GPATCH2: variants seen among roughly 807,000 people sequenced by gnomAD.
The protein encoded by GPATCH2 is G patch domain-containing protein 2.
GPATCH2 carries 51 observed loss-of-function variants against 58.0 expected under a neutral mutation model. That is an observed-to-expected ratio of 0.88 (90% CI 0.70 to 1.11). The LOEUF (loss-of-function observed/expected upper bound fraction) is 1.11, where lower values mean the gene tolerates loss of function less well. Ranked by LOEUF, GPATCH2 falls within the 50% of genes most tolerant of loss-of-function variation. The pLI is 0.00. For synonymous variants in GPATCH2, 222 were observed against 218.5 expected, an observed-to-expected ratio of 1.02 and a Z score of -0.14; for missense variants, 625 against 652.2, an observed-to-expected ratio of 0.96 and a Z score of 0.45.
In GPATCH2 at chr1:217,427,889, G is replaced by GTACACATTA. The variant is rs1399361617; in HGVS notation, c.*3247_*3255dup. 2.0e-5 allele frequency: 3 copies of GTACACATTA among 152,034 alleles called. No individual in the cohort carries two copies. The highest frequency in any genetic ancestry group is 1.5e-5 in the Non-Finnish European group (1 of 67,960). The allele number at this position is 152,034 out of a possible 1,614,324, so 9.4% of individuals were successfully genotyped here. On this transcript the variant is annotated 3_prime_UTR_variant, in exon 10 of 10. Coordinates refer to ENST00000366935, the MANE Select transcript of GPATCH2 (RefSeq NM_018040.5). ...ACAGGCATTATAAATACACCTATAG[G>GTACACATTA]TACACATTATGTATATCTTTACCCC...
chr1:217,487,766 T>C (rs913812410), intron 8 of GPATCH2, among the ~76,000 whole-genome samples: 4 of 150,768 alleles, frequency 2.7e-5, no homozygotes, highest in Non-Finnish European at 4.4e-5. Flanking sequence ...TTTTGGAGAC[T>C]GAGTCTCACT....
chr1:217,452,883 T>A (rs1237835982), intron 8 of GPATCH2, among the ~76,000 whole-genome samples: 2 of 152,214 alleles, frequency 1.3e-5, no homozygotes, highest in Non-Finnish European at 2.9e-5. Context: ...TATATTTCAG[T>A]AATTCTATCA....
intron 5 of GPATCH2, among the ~76,000 whole-genome samples, chr1:217,587,105 T>A (rs560477815): frequency 1.3e-5 from 2 of 152,292 alleles, no homozygotes; most frequent in Non-Finnish European, 2.9e-5. Flanking sequence ...TAGGATCAAT[T>A]TATCTCAGAT....
chr1:217,508,499 T>A (rs1156840248), intron 6 of GPATCH2, among the ~76,000 whole-genome samples: 1 of 152,256 alleles, frequency 6.6e-6, no homozygotes, highest in Non-Finnish European at 1.5e-5. Flanking sequence ...AATTGCACAA[T>A]CGATTAATAA....
chr1:217,561,973 ATC>A (rs1402211923), intron 5 of GPATCH2, among the ~76,000 whole-genome samples: 1 of 152,188 alleles, frequency 6.6e-6, no homozygotes, highest in African/African-American at 2.4e-5. Context: ...AAGGAAGAAT[ATC>A]TCTCTTCAAT....
intron 9 of GPATCH2, among the ~76,000 whole-genome samples, chr1:217,446,406 T>C (rs1659389281): frequency 6.6e-6 from 1 of 152,128 alleles, no homozygotes; most frequent in Admixed American, 6.5e-5. Context: ...TGATCTAGGA[T>C]TCATGCCCTC....
intron 8 of GPATCH2, among the ~76,000 whole-genome samples, chr1:217,449,618 A>G (rs927928582): frequency 3.3e-5 from 5 of 152,232 alleles, no homozygotes; most frequent in African/African-American, 1.2e-4. Context: ...AAAATCAAGC[A>G]CTGTTGCTTC....
intron 5 of GPATCH2, among the ~76,000 whole-genome samples, chr1:217,597,404 C>T (rs758870584): frequency 7.3e-5 from 11 of 151,600 alleles, no homozygotes; most frequent in African/African-American, 1.5e-4. Context: ...CGAGGCTGAC[C>T]GCCCAGCTTC....
intron 5 of GPATCH2, among the ~76,000 whole-genome samples, chr1:217,586,182 A>G (rs1397833694): frequency 6.6e-6 from 1 of 152,114 alleles, no homozygotes; most frequent in Non-Finnish European, 1.5e-5. Flanking sequence ...ATTTTAAAAT[A>G]TCCTCTTTCT....
intron 5 of GPATCH2, among the ~76,000 whole-genome samples, chr1:217,600,185 T>C (rs138788265): frequency 1.4e-3 from 213 of 152,224 alleles, no homozygotes; most frequent in African/African-American, 5.0e-3. Context: ...AATAATCAAA[T>C]TGCCCCCATT....
At chr1:217,577,891 G>C (rs1341274444) in intron 5 of GPATCH2, among the ~76,000 whole-genome samples, 1 of 151,924 alleles carries the variant, frequency 6.6e-6, no homozygotes, top group African/African-American at 2.4e-5. Context: ...GGGATTGCAG[G>C]AATGCGCCAC....
chr1:217,524,070 C>CG (rs981639667), intron 5 of GPATCH2, among the ~76,000 whole-genome samples: 1 of 145,554 alleles, frequency 6.9e-6, no homozygotes, highest in Non-Finnish European at 1.5e-5. Flanking sequence ...GCTGGCCAGG[C>CG]GGGGGGCTGA....
chr1:217,453,789 T>C (rs904521169), intron 8 of GPATCH2, among the ~76,000 whole-genome samples: 6 of 152,262 alleles, frequency 3.9e-5, no homozygotes, highest in African/African-American at 1.2e-4. Context: ...GACGCAATAA[T>C]AGTAAAGAGA....
intron 3 of GPATCH2, among the ~76,000 whole-genome samples, chr1:217,613,380 T>A (rs559829989): frequency 6.6e-6 from 1 of 152,128 alleles, no homozygotes; most frequent in Non-Finnish European, 1.5e-5. Flanking sequence ...TTAAAATTTA[T>A]ATTAGTGTTT....
intron 5 of GPATCH2, among the ~76,000 whole-genome samples, chr1:217,589,833 A>T (rs1332469592): frequency 2.0e-5 from 3 of 152,194 alleles, no homozygotes. Context: ...GGAGTCCACC[A>T]ATACAAACAG....
At chr1:217,610,717 T>A (rs534095395) in intron 4 of GPATCH2, among the ~76,000 whole-genome samples, 172 bp downstream of exon 4, 1 of 152,336 alleles carries the variant, frequency 6.6e-6, no homozygotes, top group Non-Finnish European at 1.5e-5. Context: ...TCAATTTTTC[T>A]AATAATTTGA....
intron 5 of GPATCH2, among the ~76,000 whole-genome samples, chr1:217,571,793 T>C (rs1329325326): frequency 6.7e-6 from 1 of 149,882 alleles, no homozygotes; most frequent in Admixed American, 6.7e-5. Context: ...CTTGGAAGGC[T>C]GAGGCACGAG....
rs769483479 is a variant in GPATCH2 at position 217,619,961 on chromosome 1, A to G, written c.595T>C (p.Tyr199His). Residue 199 changes from tyrosine (Y) to histidine (H), a missense_variant, in exon 2 of 10, where the codon TAC becomes CAC. By Grantham distance (83) the Tyr-to-His change is moderately conservative. Transcript: ENST00000366935. The stretch of plus-strand genomic sequence containing the variant: ...TTCTTGGTAAATTCTTGATACTGGT[A>G]GGCTCTATCACTGTCCATGTCCTGA... ...RDQDMDSDRA[Y>H]QYQEFTKNKV... The G allele has an allele frequency of 2.5e-5, 40 of 1,613,870 alleles. No homozygotes were observed. The African/African-American group carries it at 3.1e-4, about 12-fold the overall frequency.
intron 9 of GPATCH2, among the ~76,000 whole-genome samples, chr1:217,447,123 T>C (rs1659427890): frequency 6.6e-6 from 1 of 152,184 alleles, no homozygotes; most frequent in Admixed American, 6.5e-5. Flanking sequence ...TTATGAAAGA[T>C]CTGAATTGCA....
Sources: allele counts gnomAD v4.1 joint callset (sites outside exome capture counted in the v4.1 genomes callset), GRCh38; gene constraint gnomAD v4.1.1; transcripts MANE v1.5; gene names NCBI Gene and HGNC (gene_info 2026-07-23, HGNC 2026-07-21).